PCYT1B: variants seen among roughly 807,000 people sequenced by gnomAD.
The protein encoded by PCYT1B is phosphate cytidylyltransferase 1B, choline.
In PCYT1B, 10 loss-of-function variants were observed where a neutral mutation model predicts 26.4. That is an observed-to-expected ratio of 0.38 (90% confidence interval 0.23 to 0.64). The LOEUF (loss-of-function observed/expected upper bound fraction) is 0.64. Ranked by LOEUF, PCYT1B falls within the 30% of genes least tolerant of loss-of-function variation. The probability of loss-of-function intolerance (pLI) is 0.56; values close to 1 mark genes in which losing one functional copy is unlikely to be tolerated. For synonymous variants in PCYT1B, 131 were observed against 108.4 expected, an observed-to-expected ratio of 1.21 and a Z score of -1.29; for missense variants, 161 against 292.7, an observed-to-expected ratio of 0.55 and a Z score of 3.28.
chrX:24,631,014 C>T (rs1014110478), intron 1 of PCYT1B, among the ~76,000 whole-genome samples: 7 of 111,599 alleles, frequency 6.3e-5, no homozygotes, highest in Admixed American at 5.7e-4. Flanking sequence ...GCTCTGCCTC[C>T]TGGGTTCACG....
intron 1 of PCYT1B, among the ~76,000 whole-genome samples, chrX:24,625,172 G>A (rs1250776666): frequency 8.9e-6 from 1 of 112,219 alleles, no homozygotes; most frequent in African/African-American, 3.2e-5. Context: ...ATAAGAACAG[G>A]ACTTCAGAAA....
chrX:24,572,937 TAC>T (rs1555955697), intron 7 of PCYT1B, among the ~76,000 whole-genome samples: 4 of 103,150 alleles, frequency 3.9e-5, no homozygotes, highest in East Asian at 5.9e-4. Flanking sequence ...TATATATATA[TAC>T]ACACACACAC....
chrX:24,637,090 T>C (rs773404149), intron 1 of PCYT1B, among the ~76,000 whole-genome samples: 1 of 111,243 alleles, frequency 9.0e-6, no homozygotes, highest in African/African-American at 3.3e-5. Context: ...AATATTTACA[T>C]TGAATTTCTA....
In PCYT1B at chrX:24,562,201, G is replaced by A. The variant is rs1303525825; in HGVS notation, c.*92C>T. On this transcript the variant is annotated 3_prime_UTR_variant, in exon 8 of 8. Coordinates refer to ENST00000379144, the MANE Select transcript of PCYT1B (RefSeq NM_004845.5). ...CTCTCTGCTGAGCTGCAGCTCCTGT[G>A]ACTATTACCCTTCAAACACCACCCA... 1.8e-5 allele frequency: 21 copies of A among 1,191,018 alleles called. No individual in the cohort carries two copies. In the Admixed American group the frequency reaches 4.6e-4, roughly 26 times the overall value.
At chrX:24,614,068 A>G (rs1284648502) in intron 2 of PCYT1B, among the ~76,000 whole-genome samples, 1 of 111,239 alleles carries the variant, frequency 9.0e-6, no homozygotes, top group Non-Finnish European at 1.9e-5. Context: ...CTTTTCCTTT[A>G]TGTCAAGACA....
At chrX:24,661,126 A>G (rs777714261) in intron 1 of PCYT1B, among the ~76,000 whole-genome samples, 5 of 112,470 alleles carry the variant, frequency 4.4e-5, no homozygotes, top group Admixed American at 3.8e-4. Flanking sequence ...TTAAGCATCA[A>G]TAAGGATAAG....
At chrX:24,642,866 C>T (rs1239924469) in intron 1 of PCYT1B, among the ~76,000 whole-genome samples, 1 of 112,014 alleles carries the variant, frequency 8.9e-6, no homozygotes, top group African/African-American at 3.2e-5. Context: ...AGCAGATGAG[C>T]ATGCTACCTC....
intron 3 of PCYT1B, among the ~76,000 whole-genome samples, chrX:24,604,638 C>T (rs1443563430): frequency 9.0e-6 from 1 of 111,169 alleles, no homozygotes; most frequent in Non-Finnish European, 1.9e-5. Flanking sequence ...TCACTATACC[C>T]TTGAACTCCT....
chrX:24,569,035 G>A lies in PCYT1B; in HGVS notation c.897+6095C>T, dbSNP rs765604661. On this transcript the variant is annotated intron_variant, in intron 7 of 7. Coordinates refer to ENST00000379144, the MANE Select transcript of PCYT1B (RefSeq NM_004845.5). ...GAATCACTTGAACCCAGGAGGCAAA[G>A]TTGCAGTGAGCCGAGATTGCACCAT... 3.6e-5 allele frequency among the ~76,000 whole-genome samples: 4 copies of A among 111,261 alleles called. No individual in the cohort carries two copies. In the East Asian group the frequency reaches 8.4e-4, roughly 23 times the overall value.
At chrX:24,585,611 G>C (rs1353504899) in intron 5 of PCYT1B, among the ~76,000 whole-genome samples, 2 of 110,803 alleles carry the variant, frequency 1.8e-5, no homozygotes, top group Admixed American at 9.6e-5. Flanking sequence ...TGGTAAGTGG[G>C]GCTGATGGCT....
At chrX:24,666,182 G>T (rs966588267) in intron 1 of PCYT1B, among the ~76,000 whole-genome samples, 4 of 111,351 alleles carry the variant, frequency 3.6e-5, no homozygotes, top group Non-Finnish European at 7.5e-5. Flanking sequence ...GCCTAGAGAT[G>T]ACCTTAGATG....
intron 2 of PCYT1B, among the ~76,000 whole-genome samples, chrX:24,616,301 G>A (rs1049569866): frequency 1.9e-4 from 19 of 100,864 alleles, no homozygotes; most frequent in Non-Finnish European, 3.8e-4. Context: ...GCAGTGGTGC[G>A]ATCTCGGCTC....
chrX:24,585,848 G>C (rs1190441655), intron 5 of PCYT1B, among the ~76,000 whole-genome samples: 1 of 110,070 alleles, frequency 9.1e-6, no homozygotes, highest in Non-Finnish European at 1.9e-5. Flanking sequence ...AACCACTTAT[G>C]GCCCCCCAGT....
At chrX:24,579,582 C>T (rs895346296) in intron 5 of PCYT1B, 124 bp from the exon 6 acceptor site, 14 of 576,226 alleles carry the variant, frequency 2.4e-5, no homozygotes, top group South Asian at 2.4e-4. Flanking sequence ...GAAGACTTTA[C>T]GTCTGGCCCC....
At chrX:24,618,689 C>T (rs1021658444) in intron 2 of PCYT1B, among the ~76,000 whole-genome samples, 23 of 108,871 alleles carry the variant, frequency 2.1e-4, no homozygotes, top group African/African-American at 7.0e-4. Flanking sequence ...GCAATCTCGG[C>T]TCACTGCAAT....
chrX:24,575,087 G>A, intron 7 of PCYT1B, 43 bp downstream of exon 7: 2 of 1,063,988 alleles, frequency 1.9e-6, no homozygotes, highest in Non-Finnish European at 2.5e-6. Context: ...AGGATAAACT[G>A]AAAACACTCA....
chrX:24,637,515 T>TATA (rs1374482055), intron 1 of PCYT1B, among the ~76,000 whole-genome samples: 4 of 82,939 alleles, frequency 4.8e-5, no homozygotes, highest in African/African-American at 1.1e-4. Context: ...TATATATAAA[T>TATA]TAGCTGAGCG....
chrX:24,590,248 G>A, intron 3 of PCYT1B, 74 bp from the exon 4 acceptor site: 1 of 929,884 alleles, frequency 1.1e-6, no homozygotes, highest in Non-Finnish European at 1.5e-6. Context: ...TTCAGACAAG[G>A]CTTCTTCAGC....
intron 7 of PCYT1B, among the ~76,000 whole-genome samples, chrX:24,564,492 A>G (rs1923555458): frequency 9.2e-6 from 1 of 109,042 alleles, no homozygotes; most frequent in South Asian, 4.0e-4. Flanking sequence ...AGCTGGGACT[A>G]CAGGCGCCCG....
Sources: allele counts gnomAD v4.1 joint callset (sites outside exome capture counted in the v4.1 genomes callset), GRCh38; gene constraint gnomAD v4.1.1; transcripts MANE v1.5; gene names NCBI Gene and HGNC (gene_info 2026-07-23, HGNC 2026-07-21).